LYPLAL1: variants seen among roughly 807,000 people sequenced by gnomAD.
LYPLAL1 encodes lysophospholipase like 1.
LYPLAL1 carries 23 observed loss-of-function variants against 19.7 expected under a neutral mutation model. That is an observed-to-expected ratio of 1.17 (90% confidence interval 0.84 to 1.65). The LOEUF is 1.65. LYPLAL1 is among the 40% of genes most tolerant of loss of function. The pLI is 0.00. For synonymous variants in LYPLAL1, 119 were observed against 96.3 expected, an observed-to-expected ratio of 1.24 and a Z score of -1.38; for missense variants, 355 against 279.4, an observed-to-expected ratio of 1.27 and a Z score of -1.93.
chr1:219,283,391 A>G, the LYPLAL1 span, among the ~76,000 whole-genome samples: 1 of 152,226 alleles, frequency 6.6e-6, no homozygotes, highest in Admixed American at 6.5e-5. Context: ...ATAGCAGTGC[A>G]TGCATATGAT....
chr1:219,303,530 G>A, the LYPLAL1 span, among the ~76,000 whole-genome samples: 1 of 152,214 alleles, frequency 6.6e-6, no homozygotes. Flanking sequence ...CAGTGTTACT[G>A]GTGGTTGGAG....
At chr1:219,262,390 T>A in the LYPLAL1 span, among the ~76,000 whole-genome samples, 1 of 152,126 alleles carries the variant, frequency 6.6e-6, no homozygotes. Flanking sequence ...ATTAATCTTT[T>A]GGGGGTGTTA....
intron 1 of LYPLAL1, 169 bp downstream of exon 1, chr1:219,174,150 CAGCCTCCCCCGTT>C (rs1230778193): frequency 1.0e-5 from 15 of 1,441,894 alleles, no homozygotes; most frequent in Non-Finnish European, 1.2e-5. Flanking sequence ...CACCTGCCCC[CAGCCTCCCCCGTT>C]AGTCTTCCTC....
chr1:219,365,938 AT>A, the LYPLAL1 span, among the ~76,000 whole-genome samples: 3 of 152,168 alleles, frequency 2.0e-5, no homozygotes, highest in Non-Finnish European at 4.4e-5. Context: ...TGTGTTGACA[AT>A]AAAAAATATC....
chr1:219,352,648 C>T, the LYPLAL1 span, among the ~76,000 whole-genome samples: 12 of 152,200 alleles, frequency 7.9e-5, no homozygotes, highest in African/African-American at 2.9e-4. Context: ...CTTTTCCTTT[C>T]TTCAAGTGTC....
the LYPLAL1 span, among the ~76,000 whole-genome samples, chr1:219,221,112 T>G: frequency 0.24 from 36,840 of 151,972 alleles, 4,659 homozygotes; most frequent in Non-Finnish European, 0.29. Context: ...GCATCAAGAG[T>G]ATTATTTGCC....
the LYPLAL1 span, among the ~76,000 whole-genome samples, chr1:219,426,890 C>T: frequency 7.7e-3 from 1,169 of 152,324 alleles, 13 homozygotes; most frequent in Middle Eastern, 0.02. Context: ...TGAGCCACCA[C>T]GCCAGCCCAG....
chr1:219,409,507 A>G, the LYPLAL1 span: 2 of 149,572 alleles, frequency 1.3e-5, no homozygotes, highest in East Asian at 3.9e-4. Flanking sequence ...GAGAGAAGTA[A>G]AAAATGACAC....
the LYPLAL1 span, among the ~76,000 whole-genome samples, chr1:219,397,025 A>G: frequency 1.3e-5 from 2 of 152,176 alleles, no homozygotes; most frequent in Non-Finnish European, 2.9e-5. Context: ...GGTTTTGCCC[A>G]TTTAGTATGA....
the LYPLAL1 span, among the ~76,000 whole-genome samples, chr1:219,356,477 G>A: frequency 6.6e-6 from 1 of 152,166 alleles, no homozygotes; most frequent in East Asian, 1.9e-4. Flanking sequence ...TCCAGCCTGG[G>A]CAACAGAGTG....
intron 1 of LYPLAL1, among the ~76,000 whole-genome samples, chr1:219,176,392 G>A (rs981902104): frequency 1.3e-5 from 2 of 152,272 alleles, no homozygotes; most frequent in African/African-American, 4.8e-5. Context: ...TCTTGTTTAT[G>A]GCTTTCTTCT....
the LYPLAL1 span, among the ~76,000 whole-genome samples, chr1:219,338,558 A>T: frequency 6.6e-6 from 1 of 151,698 alleles, no homozygotes; most frequent in African/African-American, 2.4e-5. Flanking sequence ...GAAAATATCC[A>T]CCTCAATATC....
chr1:219,277,671 A>G, the LYPLAL1 span, among the ~76,000 whole-genome samples: 1 of 152,176 alleles, frequency 6.6e-6, no homozygotes, highest in Non-Finnish European at 1.5e-5. Flanking sequence ...GCCCTCAACC[A>G]CTAAATGACC....
chr1:219,251,793 A>G, the LYPLAL1 span, among the ~76,000 whole-genome samples: 1 of 152,044 alleles, frequency 6.6e-6, no homozygotes, highest in African/African-American at 2.4e-5. Flanking sequence ...ATATTAAAAT[A>G]GCTTTTTCTA....
the LYPLAL1 span, among the ~76,000 whole-genome samples, chr1:219,276,352 A>T: frequency 1.3e-5 from 2 of 152,064 alleles, no homozygotes; most frequent in African/African-American, 4.8e-5. Flanking sequence ...TACACAAGGC[A>T]TTATTTGGAA....
At chr1:219,380,981 T>C in the LYPLAL1 span, among the ~76,000 whole-genome samples, 1 of 152,084 alleles carries the variant, frequency 6.6e-6, no homozygotes, top group Admixed American at 6.5e-5. Flanking sequence ...AAATGTCAGA[T>C]CAAAGAGGAA....
the LYPLAL1 span, chr1:219,411,649 G>C: frequency 6.6e-6 from 1 of 152,232 alleles, no homozygotes; most frequent in Non-Finnish European, 1.5e-5. Context: ...TTATTCTTTC[G>C]CTCTGCAATA....
chr1:219,414,911 A>AC, the LYPLAL1 span, among the ~76,000 whole-genome samples: 1 of 152,162 alleles, frequency 6.6e-6, no homozygotes, highest in African/African-American at 2.4e-5. Context: ...AACCAGGGGG[A>AC]CCCAGAATTA....
chr1:219,268,730 G>A, the LYPLAL1 span, among the ~76,000 whole-genome samples: 2 of 152,164 alleles, frequency 1.3e-5, no homozygotes, highest in Admixed American at 6.5e-5. Flanking sequence ...CATTACTCTA[G>A]GGAAACTCTT....
Sources: allele counts gnomAD v4.1 joint callset (sites outside exome capture counted in the v4.1 genomes callset), GRCh38; gene constraint gnomAD v4.1.1; transcripts MANE v1.5; gene names NCBI Gene and HGNC (gene_info 2026-07-23, HGNC 2026-07-21).